GTF3C1: variants seen among roughly 807,000 people sequenced by gnomAD.
GTF3C1 encodes the protein general transcription factor IIIC subunit 1.
Under a neutral mutation model 226.7 loss-of-function variants are expected in GTF3C1, and 57 were observed. That is an observed-to-expected ratio of 0.25 (90% CI 0.20 to 0.31). The LOEUF (loss-of-function observed/expected upper bound fraction) is 0.31, where lower values mean the gene tolerates loss of function less well. GTF3C1 is among the 10% of genes least tolerant of loss of function. GTF3C1 has a pLI of 1.00. For synonymous variants in GTF3C1, 1,090 were observed against 1,084.8 expected (o/e 1.00, Z -0.09); for missense variants, 2,217 against 2,776.1 (o/e 0.80, Z 4.53).
chr16:27,506,976 G>A lies in GTF3C1; in HGVS notation c.1423C>T (p.Leu475Phe). Reference protein sequence around the residue: ...SLLPEGEDTFLSESDSEEERS... With the variant: ...SLLPEGEDTFFSESDSEEERS... ...TCCTCCTCACTGTCCGACTCAGAGA[G>A]GAAGGTGTCCTCGCCTTCAGGCAGA... Residue 475 changes from leucine (L) to phenylalanine (F), a missense_variant, in exon 9 of 37, where the codon CTC (leucine) becomes TTC (phenylalanine). Physicochemically the swap from Leu to Phe is conservative, Grantham distance 22. Transcript: ENST00000356183. 1 of 1,613,768 alleles carries A rather than the reference G, an allele frequency of 6.2e-7. No individual in the cohort carries two copies. The highest frequency in any genetic ancestry group is 8.5e-7 in the Non-Finnish European group (1 of 1,179,806).
At chr16:27,528,350 G>GTAA (rs2088864598) in intron 6 of GTF3C1, among the ~76,000 whole-genome samples, 1 of 152,166 alleles carries the variant, frequency 6.6e-6, no homozygotes, top group Admixed American at 6.6e-5. Flanking sequence ...GTTTATTTGG[G>GTAA]CACCTGATAA....
At chr16:27,467,194 C>T (rs2087797647) in intron 32 of GTF3C1, among the ~76,000 whole-genome samples, 1 of 152,186 alleles carries the variant, frequency 6.6e-6, no homozygotes, top group East Asian at 1.9e-4. Context: ...AACGACAGGC[C>T]ACTCTCGATA....
At chr16:27,516,382 A>C (rs569839535) in intron 6 of GTF3C1, among the ~76,000 whole-genome samples, 1 of 152,346 alleles carries the variant, frequency 6.6e-6, no homozygotes, top group Non-Finnish European at 1.5e-5. Context: ...GCCACAGCTG[A>C]AACTGGGCCC....
intron 29 of GTF3C1, among the ~76,000 whole-genome samples, chr16:27,475,041 G>A (rs777142483): frequency 2.0e-5 from 3 of 152,254 alleles, no homozygotes; most frequent in Non-Finnish European, 4.4e-5. Flanking sequence ...GGGCATTCAA[G>A]CCCAGCGTGG....
intron 2 of GTF3C1, among the ~76,000 whole-genome samples, chr16:27,543,817 A>G (rs1432723401): frequency 6.6e-6 from 1 of 152,202 alleles, no homozygotes; most frequent in Non-Finnish European, 1.5e-5. Flanking sequence ...TTAACAGTGT[A>G]GCAGGGTCAA....
chr16:27,545,304 A>C lies in GTF3C1; in HGVS notation c.431+10T>G. 6.3e-7 allele frequency: 1 copy of C among 1,599,512 alleles called. No homozygotes were observed. The highest frequency in any genetic ancestry group is 1.3e-5 in the African/African-American group (1 of 74,764). On this transcript the variant is annotated intron_variant, in intron 2 of 36. Coordinates refer to ENST00000356183, the MANE Select transcript of GTF3C1 (RefSeq NM_001520.4). ...ATTCCCAGGAATTTCTGATGGTGCAAAATAGTTACCTGTCAAAGGCTTCCA... is the reference window on the plus strand; with the variant it reads ...ATTCCCAGGAATTTCTGATGGTGCACAATAGTTACCTGTCAAAGGCTTCCA...
chr16:27,509,530 G>C (rs1176987077), intron 7 of GTF3C1, among the ~76,000 whole-genome samples: 12 of 152,072 alleles, frequency 7.9e-5, no homozygotes, highest in Non-Finnish European at 1.5e-4. Flanking sequence ...GGCTGAGGCG[G>C]GCGGATCACG....
Position 27,492,563 on chromosome 16 carries a change from T to G in GTF3C1, c.2974-48A>C. 6.5e-7 allele frequency: 1 copy of G among 1,541,846 alleles called. No homozygotes were observed. Among genetic ancestry groups the G allele is most frequent in the South Asian group, 1.1e-5 (1 of 89,662 alleles). On this transcript the variant is annotated intron_variant, in intron 18 of 36. Coordinates refer to ENST00000356183, the MANE Select transcript of GTF3C1 (RefSeq NM_001520.4). This position sits in a 1 kb window ranked among gnomAD's most constrained non-coding sequence, Gnocchi z 5.0. The stretch of plus-strand genomic sequence containing the variant: ...GAGAACCCACATTGGGTCTGGCTGC[T>G]TGGAGACCGTTTAACAATCAGAATT...
chr16:27,470,087 C>T lies in GTF3C1; in HGVS notation c.4814+21G>A. ...GCCTAGCACGTGGCCAGACCTGATG[C>T]TGCGGATGCCGGACTCTTACCTTTT... is the stretch of plus-strand genomic sequence containing the variant. On this transcript the variant is annotated intron_variant, in intron 31 of 36. Coordinates refer to ENST00000356183, the MANE Select transcript of GTF3C1 (RefSeq NM_001520.4). The surrounding 1 kb of genome is among the most constrained non-coding windows in gnomAD (Gnocchi z 4.9). 2 of 1,601,846 alleles carry T rather than the reference C, an allele frequency of 1.2e-6. No homozygotes were observed. The highest frequency in any genetic ancestry group is 1.7e-6 in the Non-Finnish European group (2 of 1,171,502).
chr16:27,494,787 G>C lies in GTF3C1; in HGVS notation c.2754C>G (p.Ile918Met). The C allele has an allele frequency of 6.2e-7, 1 of 1,612,958 alleles. No individual in the cohort carries two copies. Among genetic ancestry groups the C allele is most frequent in the Non-Finnish European group, 8.5e-7 (1 of 1,178,908 alleles). Residue 918 changes from isoleucine to methionine, a missense_variant, in exon 16 of 37, where the codon ATC (isoleucine) becomes ATG (methionine). Coordinates refer to ENST00000356183, the MANE Select transcript of GTF3C1 (RefSeq NM_001520.4). ...CCTTGTAGCTGACTTGCACAATCTG[G>C]ATGAAGATGGAGAGGGGAAGGCAGA... ...ILLCLPLSIF[I>M]QIVQVSYKVD...
intron 3 of GTF3C1, 118 bp downstream of exon 3, chr16:27,538,062 C>A: frequency 1.6e-6 from 2 of 1,278,768 alleles, no homozygotes; most frequent in South Asian, 2.9e-5. Context: ...ACTGTGAGAC[C>A]ACGGCCTTGA....
intron 16 of GTF3C1, 143 bp downstream of exon 16, chr16:27,494,620 C>A: frequency 4.9e-6 from 3 of 616,822 alleles, no homozygotes; most frequent in Non-Finnish European, 8.8e-6. Context: ...CTTGAATGAG[C>A]ATCTGCCTAT....
rs780983057 is a variant in GTF3C1, at chr16:27,489,187, C to T, written c.3294-9G>A. ...CCACCTCACGGCTTCCACTAAAAGACAGGAAATCAACAGAAAAGAGCCCTT... is the reference window on the plus strand; with the variant it reads ...CCACCTCACGGCTTCCACTAAAAGATAGGAAATCAACAGAAAAGAGCCCTT... On this transcript the variant is annotated splice_polypyrimidine_tract_variant and intron_variant, in intron 20 of 36. Transcript: ENST00000356183. The T allele has an allele frequency of 3.1e-6, 5 of 1,613,656 alleles. No individual in the cohort carries two copies. Among genetic ancestry groups the T allele is most frequent in the African/African-American group, 2.7e-5 (2 of 74,880 alleles).
At position 27,470,460 on chromosome 16, in the gene GTF3C1, G is replaced by A; in HGVS notation, c.4527-65C>T. On this transcript the variant is annotated intron_variant, in intron 30 of 36. Transcript: ENST00000356183. The surrounding 1 kb of genome is among the most constrained non-coding windows in gnomAD (Gnocchi z 4.9). ...GCTGTGGGAAGCCTTCATTTGGATG[G>A]ACTATGAGCACGTCAAACCATTATG... 3 of 1,293,808 alleles carry A rather than the reference G, an allele frequency of 2.3e-6. No homozygotes were observed. The highest frequency in any genetic ancestry group is 1.3e-5 in the South Asian group (1 of 77,070). 80.1% of individuals were successfully genotyped at this position (1,293,808 alleles called of 1,614,324 possible). A position where few individuals can be genotyped will look rare whatever the true frequency, so the allele number is the denominator to read the frequency against.
chr16:27,463,821 A>G lies in GTF3C1; in HGVS notation c.5873-229T>C, dbSNP rs779854825. ...CATGCAAGCAGCGTCCCAGGCCCGG[A>G]CAAGCCCCACATTGCAGGAAGCCAG... On this transcript the variant is annotated intron_variant, in intron 34 of 36. Transcript: ENST00000356183. This position sits in a 1 kb window ranked among gnomAD's most constrained non-coding sequence, Gnocchi z 4.9. 6 of 558,686 alleles carry G rather than the reference A, an allele frequency of 1.1e-5. No homozygotes were observed. The highest frequency in any genetic ancestry group is 1.9e-5 in the Non-Finnish European group (6 of 319,504). 34.6% of individuals were successfully genotyped at this position (558,686 alleles called of 1,614,324 possible).
chr16:27,510,488 C>T (rs1171311612), intron 7 of GTF3C1, among the ~76,000 whole-genome samples: 3 of 151,908 alleles, frequency 2.0e-5, no homozygotes, highest in East Asian at 1.9e-4. Flanking sequence ...ACTTGGGAGG[C>T]GGAGGCTGCA....
intron 28 of GTF3C1, 120 bp downstream of exon 28, chr16:27,478,349 T>A: frequency 1.4e-6 from 1 of 726,788 alleles, no homozygotes; most frequent in Non-Finnish European, 2.5e-6. Flanking sequence ...CCAGTAAAAT[T>A]TTGTTCACAC....
intron 26 of GTF3C1, among the ~76,000 whole-genome samples, chr16:27,481,829 C>A (rs964983460): frequency 6.6e-6 from 1 of 152,196 alleles, no homozygotes; most frequent in Non-Finnish European, 1.5e-5. Context: ...GCTGCCCCAG[C>A]TGCCGTGGTT....
chr16:27,530,093 C>T (rs1372237262), intron 5 of GTF3C1, among the ~76,000 whole-genome samples: 1 of 152,186 alleles, frequency 6.6e-6, no homozygotes, highest in Non-Finnish European at 1.5e-5. Context: ...GAGCTGTTCA[C>T]TGAATCTTAC....
Sources: gnomAD v4.1 joint callset for allele counts (sites outside exome capture counted in the v4.1 genomes callset) on GRCh38, gnomAD v4.1.1 for gene constraint, Gnocchi (gnomAD v3.1) non-coding constraint, MANE v1.5 for transcripts, NCBI Gene and HGNC (gene_info 2026-07-23, HGNC 2026-07-21) for gene names.